TMEM120B: variants seen among roughly 807,000 people sequenced by gnomAD.
TMEM120B encodes transmembrane protein 120B.
Under a neutral mutation model 55.5 loss-of-function variants are expected in TMEM120B, and 31 were observed. That is an observed-to-expected ratio of 0.56 (90% CI 0.42 to 0.75). TMEM120B has a LOEUF of 0.75. Ranked by LOEUF, TMEM120B falls within the 30% of genes least tolerant of loss-of-function variation. TMEM120B has a pLI of 0.00. For synonymous variants in TMEM120B, 203 were observed against 176.3 expected (o/e 1.15, Z -1.20); for missense variants, 399 against 425.5 (o/e 0.94, Z 0.55).
Position 121,778,066 on chromosome 12 carries a change from T to TC in TMEM120B, c.*2347dup, listed in dbSNP as rs1409547718. The TC allele has an allele frequency of 6.6e-6, 1 of 152,060 alleles. No homozygotes were observed. Among genetic ancestry groups the TC allele is most frequent in the Non-Finnish European group, 1.5e-5 (1 of 68,020 alleles). The allele number at this position is 152,060 out of a possible 1,614,324, so 9.4% of individuals were successfully genotyped here. A position where few individuals can be genotyped will look rare whatever the true frequency, so the allele number is the denominator to read the frequency against. ...GGCTAGGAGTTGCCTGAAGCCATTA[T>TC]CCCATCTTAGGCGACACCGACTCCT... On this transcript the variant is annotated 3_prime_UTR_variant, in exon 12 of 12. Transcript: ENST00000449592.
chr12:121,764,998 C>T (rs1055167160), intron 6 of TMEM120B, among the ~76,000 whole-genome samples: 4 of 152,182 alleles, frequency 2.6e-5, no homozygotes, highest in African/African-American at 9.7e-5. Context: ...CTCTACCCTC[C>T]ATCTGCCATT....
intron 6 of TMEM120B, among the ~76,000 whole-genome samples, chr12:121,762,687 G>C (rs1405130409): frequency 6.6e-6 from 1 of 152,186 alleles, no homozygotes; most frequent in Non-Finnish European, 1.5e-5. Context: ...GACGGGTTTT[G>C]GTGACAAGAG....
At chr12:121,713,508 C>T (rs1194417317) in intron 1 of TMEM120B, among the ~76,000 whole-genome samples, 1 of 152,158 alleles carries the variant, frequency 6.6e-6, no homozygotes, top group South Asian at 2.1e-4. Context: ...GGGGCTCTGA[C>T]GCTGCTGCAG....
rs778859749 is a variant in TMEM120B, at chr12:121,747,289, G to GCA, written c.189-1036_189-1035insAC. Reference sequence around the variant, plus strand: ...GGGAGGCTGGGGTAGAAGGCGGGAGGCTGGGGTAGAAGGCGGGAGGCACTG... The same window carrying GCA: ...GGGAGGCTGGGGTAGAAGGCGGGAGGCACTGGGGTAGAAGGCGGGAGGCACTG... On this transcript the variant is annotated intron_variant, in intron 2 of 11. Coordinates refer to ENST00000449592, the MANE Select transcript of TMEM120B (RefSeq NM_001080825.2). Among the ~76,000 whole-genome samples the GCA allele has an allele frequency of 2.2e-4, 22 of 99,706 alleles. 5 individuals are homozygous for GCA. Among genetic ancestry groups the GCA allele is most frequent in the African/African-American group, 1.1e-3 (21 of 19,584 alleles). The allele number at this position is 99,706 out of a possible 152,430, so 65.4% of individuals were successfully genotyped here.
In TMEM120B at chr12:121,770,821, C is replaced by G. The variant is rs530314301; in HGVS notation, c.552-86C>G. 1.4e-4 allele frequency: 174 copies of G among 1,239,598 alleles called. 1 individual carries two copies. Among genetic ancestry groups the G allele is most frequent in the Non-Finnish European group, 2.0e-4 (168 of 845,460 alleles). The allele number at this position is 1,239,598 out of a possible 1,614,324, so 76.8% of individuals were successfully genotyped here. A position where few individuals can be genotyped will look rare whatever the true frequency, so the allele number is the denominator to read the frequency against. On this transcript the variant is annotated intron_variant, in intron 6 of 11. Transcript: ENST00000449592. ...AGCCGTCTCTGAGTGCAGAGTAACC[C>G]CTGCTGCATAGGTGGGGCCTCAGCG...
chr12:121,736,261 G>A (rs1281345959), intron 1 of TMEM120B, among the ~76,000 whole-genome samples: 1 of 151,498 alleles, frequency 6.6e-6, no homozygotes, highest in Admixed American at 6.6e-5. Flanking sequence ...TGCAACCTCT[G>A]CCTCCCAGGT....
chr12:121,761,643 G>T lies in TMEM120B; in HGVS notation c.462-6G>T. 1 of 1,613,248 alleles carries T rather than the reference G, an allele frequency of 6.2e-7. No homozygotes were observed. Among genetic ancestry groups the T allele is most frequent in the South Asian group, 1.1e-5 (1 of 91,066 alleles). ...CACCCCTCCCGGGGGCTGTTTCCTTGCACAGGGTGACTGACGAAGTCTTCA... is the reference window on the plus strand; with the variant it reads ...CACCCCTCCCGGGGGCTGTTTCCTTTCACAGGGTGACTGACGAAGTCTTCA... On this transcript the variant is annotated splice_polypyrimidine_tract_variant and splice_region_variant and intron_variant, in intron 5 of 11. Transcript: ENST00000449592.
At chr12:121,759,441 GC>G (rs1873597463) in intron 5 of TMEM120B, among the ~76,000 whole-genome samples, 1 of 151,708 alleles carries the variant, frequency 6.6e-6, no homozygotes, top group African/African-American at 2.4e-5. Context: ...ACTTTGAGAG[GC>G]CGAGGCAGGT....
At chr12:121,728,212 G>A (rs141759682) in intron 1 of TMEM120B, among the ~76,000 whole-genome samples, 40 of 151,760 alleles carry the variant, frequency 2.6e-4, no homozygotes, top group African/African-American at 8.0e-4. Flanking sequence ...TTCACAGGCC[G>A]GGCACGGTGG....
chr12:121,740,736 G>GT (rs1403026664), intron 1 of TMEM120B, among the ~76,000 whole-genome samples: 1 of 152,048 alleles, frequency 6.6e-6, no homozygotes, highest in Non-Finnish European at 1.5e-5. Flanking sequence ...TTAAGGGTCA[G>GT]TTGCATTTGA....
chr12:121,754,714 T>C (rs138491988), intron 5 of TMEM120B, among the ~76,000 whole-genome samples: 2 of 152,300 alleles, frequency 1.3e-5, no homozygotes, highest in East Asian at 3.9e-4. Context: ...ATGACCTCAT[T>C]TGAACTAATT....
intron 9 of TMEM120B, among the ~76,000 whole-genome samples, chr12:121,773,990 C>T (rs1415485251): frequency 2.2e-5 from 3 of 133,502 alleles, no homozygotes; most frequent in Non-Finnish European, 4.6e-5. Flanking sequence ...CGGAGTCTCA[C>T]TCTTGCCCAG....
chr12:121,760,271 C>G (rs1873628936), intron 5 of TMEM120B, among the ~76,000 whole-genome samples: 1 of 151,912 alleles, frequency 6.6e-6, no homozygotes, highest in Admixed American at 6.6e-5. Context: ...CCACTGCACT[C>G]CAGCCTGAGC....
chr12:121,740,718 C>T (rs151071410), intron 1 of TMEM120B, among the ~76,000 whole-genome samples: 70 of 151,922 alleles, frequency 4.6e-4, no homozygotes, highest in African/African-American at 1.6e-3. Flanking sequence ...AGTTGAAACC[C>T]GTGTCGTTTA....
intron 8 of TMEM120B, among the ~76,000 whole-genome samples, chr12:121,772,232 G>A (rs73411796): frequency 0.14 from 21,078 of 150,822 alleles, 2,278 homozygotes; most frequent in African/African-American, 0.3. Flanking sequence ...GGGTTCAAAC[G>A]ATTCTTCTGC....
chr12:121,761,815 C>T lies in TMEM120B; in HGVS notation c.551+77C>T, dbSNP rs1030476292. On this transcript the variant is annotated intron_variant, in intron 6 of 11. Coordinates refer to ENST00000449592, the MANE Select transcript of TMEM120B (RefSeq NM_001080825.2). ...GTCACGAGGGGCGTCAGATGGGGGCCGACACCCTCAGGCTGCATTCCTCTC... is the reference window on the plus strand; with the variant it reads ...GTCACGAGGGGCGTCAGATGGGGGCTGACACCCTCAGGCTGCATTCCTCTC... 2.6e-5 allele frequency: 30 copies of T among 1,161,038 alleles called. No individual in the cohort carries two copies. In the Admixed American group the frequency reaches 3.6e-4, roughly 14 times the overall value. 71.9% of individuals were successfully genotyped at this position (1,161,038 alleles called of 1,614,324 possible).
At chr12:121,719,278 G>T (rs1894753201) in intron 1 of TMEM120B, among the ~76,000 whole-genome samples, 1 of 152,100 alleles carries the variant, frequency 6.6e-6, no homozygotes, top group African/African-American at 2.4e-5. Flanking sequence ...TGCTGGACAG[G>T]CACCTTTTGG....
At chr12:121,732,333 G>C (rs1040800820) in intron 1 of TMEM120B, among the ~76,000 whole-genome samples, 1 of 152,140 alleles carries the variant, frequency 6.6e-6, no homozygotes, top group Non-Finnish European at 1.5e-5. Context: ...CCTCCTCGTG[G>C]CTGGCAAATC....
chr12:121,729,794 G>A (rs868558342), intron 1 of TMEM120B, among the ~76,000 whole-genome samples: 6 of 152,078 alleles, frequency 3.9e-5, no homozygotes, highest in South Asian at 2.1e-4. Context: ...GAGCGATCCC[G>A]TCTTTTAAAA....
Sources: gnomAD v4.1 joint callset for allele counts (sites outside exome capture counted in the v4.1 genomes callset) on GRCh38, gnomAD v4.1.1 for gene constraint, MANE v1.5 for transcripts, NCBI Gene and HGNC (gene_info 2026-07-23, HGNC 2026-07-21) for gene names.